The following VOPP1 variants were observed in gnomAD, a reference collection of about 807,000 sequenced individuals.
VOPP1 encodes the protein VOPP1 WW domain binding protein.
Under a neutral mutation model 23.5 loss-of-function variants are expected in VOPP1, and 8 were observed. The ratio of observed to expected loss-of-function variants is 0.34; its 90% CI spans 0.20 to 0.61. VOPP1 has a LOEUF of 0.61. Among genes scored for constraint, VOPP1 ranks in the 20% least tolerant of loss-of-function variants. The pLI, the probability that VOPP1 is intolerant of heterozygous loss-of-function variation, is 0.78. For synonymous variants in VOPP1, 83 were observed against 97.3 expected (o/e 0.85, Z 0.86); for missense variants, 174 against 238.1 (o/e 0.73, Z 1.77).
chr7:55,528,958 G>A (rs1391507347), intron 1 of VOPP1, among the ~76,000 whole-genome samples: 1 of 152,210 alleles, frequency 6.6e-6, no homozygotes, highest in Non-Finnish European at 1.5e-5. Context: ...GAGAAAGAAT[G>A]TAACAGCATA....
intron 1 of VOPP1, among the ~76,000 whole-genome samples, chr7:55,522,286 G>A (rs183122805): frequency 3.9e-5 from 6 of 152,324 alleles, no homozygotes; most frequent in East Asian, 1.9e-4. Flanking sequence ...AGTGACATTC[G>A]ATGGGTTATG....
chr7:55,569,442 T>A (rs1425411534), intron 1 of VOPP1, among the ~76,000 whole-genome samples: 1 of 152,224 alleles, frequency 6.6e-6, no homozygotes, highest in Non-Finnish European at 1.5e-5. Flanking sequence ...ATGTAGAGCA[T>A]GCAAATTCCT....
downstream of VOPP1, among the ~76,000 whole-genome samples, chr7:55,466,040 T>C (rs1312817250): frequency 6.6e-6 from 1 of 152,050 alleles, no homozygotes; most frequent in Non-Finnish European, 1.5e-5. Flanking sequence ...ATGAAAGGGA[T>C]TAGTGGCCCC....
At chr7:55,468,039 C>A (rs1457828989), downstream of VOPP1, among the ~76,000 whole-genome samples, 4 of 152,042 alleles carry the variant, frequency 2.6e-5, no homozygotes, top group Non-Finnish European at 1.5e-5. Flanking sequence ...TTTGGGAGGC[C>A]GAGGCGGGCG....
chr7:55,468,405 C>T (rs1791689984), downstream of VOPP1, among the ~76,000 whole-genome samples: 2 of 152,158 alleles, frequency 1.3e-5, no homozygotes, highest in South Asian at 4.1e-4. Flanking sequence ...GGTGGCAGTG[C>T]TGGCTGCCCC....
intron 4 of VOPP1, among the ~76,000 whole-genome samples, chr7:55,475,814 G>A (rs1476183110): frequency 1.3e-5 from 2 of 152,254 alleles, no homozygotes; most frequent in Admixed American, 6.5e-5. Context: ...TGCCCCTCAC[G>A]TCACCAGTGT....
At chr7:55,525,200 C>T (rs1003290465) in intron 1 of VOPP1, among the ~76,000 whole-genome samples, 1 of 152,216 alleles carries the variant, frequency 6.6e-6, no homozygotes, top group Non-Finnish European at 1.5e-5. Flanking sequence ...TGTAAGAGTA[C>T]AGACTCTCGG....
chr7:55,459,864 T>C (rs142798445), intron 4 of VOPP1, among the ~76,000 whole-genome samples: 69 of 152,242 alleles, frequency 4.5e-4, no homozygotes, highest in African/African-American at 1.6e-3. Flanking sequence ...GTCTCTATTT[T>C]GTTTTTGTTC....
intron 4 of VOPP1, among the ~76,000 whole-genome samples, chr7:55,476,432 G>T (rs1451068561): frequency 6.9e-6 from 1 of 145,344 alleles, no homozygotes; most frequent in South Asian, 2.3e-4. Context: ...GGCGTGTCGG[G>T]GGGGTGGGCG....
chr7:55,496,644 G>A (rs1189354230), intron 3 of VOPP1, among the ~76,000 whole-genome samples: 5 of 152,142 alleles, frequency 3.3e-5, no homozygotes, highest in East Asian at 3.9e-4. Flanking sequence ...GAACATCCTC[G>A]TCACCCAACA....
At chr7:55,447,945 T>C (rs1056682116) in intron 4 of VOPP1, among the ~76,000 whole-genome samples, 6 of 152,214 alleles carry the variant, frequency 3.9e-5, no homozygotes, top group African/African-American at 1.4e-4. Context: ...TTACAACTCA[T>C]TGTAATTATG....
At chr7:55,485,986 G>T (rs1451329240) in intron 4 of VOPP1, among the ~76,000 whole-genome samples, 1 of 152,232 alleles carries the variant, frequency 6.6e-6, no homozygotes, top group Non-Finnish European at 1.5e-5. Context: ...CGGGGGACCT[G>T]TCAGACCCAG....
chr7:55,437,160 G>A (rs903825717), intron 4 of VOPP1, among the ~76,000 whole-genome samples: 6 of 152,170 alleles, frequency 3.9e-5, no homozygotes, highest in African/African-American at 1.4e-4. Flanking sequence ...TCAGTTGCTG[G>A]AAACTAGGTG....
At chr7:55,538,209 G>C (rs546912903) in intron 1 of VOPP1, among the ~76,000 whole-genome samples, 1 of 152,292 alleles carries the variant, frequency 6.6e-6, no homozygotes, top group South Asian at 2.1e-4. Context: ...AGTCTATTTT[G>C]CTACAAACCA....
intron 4 of VOPP1, among the ~76,000 whole-genome samples, chr7:55,439,534 A>G (rs998911530): frequency 5.9e-5 from 9 of 152,158 alleles, no homozygotes; most frequent in African/African-American, 1.9e-4. Context: ...ATTTGATGGG[A>G]ATGATAAAAT....
Position 55,545,097 on chromosome 7 carries a change from GTTC to G in VOPP1, c.55-23970_55-23968del, listed in dbSNP as rs558720737. 2.0e-3 allele frequency among the ~76,000 whole-genome samples: 298 copies of G among 152,320 alleles called. 1 individual carries two copies. Among genetic ancestry groups the G allele is most frequent in the Non-Finnish European group, 3.6e-3 (246 of 68,036 alleles). On this transcript the variant is annotated intron_variant, in intron 1 of 4. Coordinates refer to ENST00000285279, the MANE Select transcript of VOPP1 (RefSeq NM_030796.5). ...ACCAGCTAAATAAGAGTTGAAAGTA[GTTC>G]TTCTGAGAAGCAGACCACAACGGTG...
At chr7:55,532,554 T>C (rs1401072152) in intron 1 of VOPP1, among the ~76,000 whole-genome samples, 1 of 152,184 alleles carries the variant, frequency 6.6e-6, no homozygotes, top group Non-Finnish European at 1.5e-5. Context: ...AGAGTGAGAA[T>C]ATGGAACCTG....
intron 1 of VOPP1, among the ~76,000 whole-genome samples, chr7:55,525,776 G>GA (rs1376037870): frequency 4.2e-5 from 1 of 23,638 alleles, no homozygotes; most frequent in African/African-American, 1.6e-4. Flanking sequence ...TCCCTAAAAG[G>GA]AAAAAACCTC....
chr7:55,487,135 GTAAT>G (rs935032948), intron 4 of VOPP1, among the ~76,000 whole-genome samples: 1 of 152,138 alleles, frequency 6.6e-6, no homozygotes, highest in African/African-American at 2.4e-5. Flanking sequence ...TGACTTGAGG[GTAAT>G]TAAACTGTCA....
Sources: gnomAD v4.1 joint callset for allele counts (sites outside exome capture counted in the v4.1 genomes callset) on GRCh38, gnomAD v4.1.1 for gene constraint, MANE v1.5 for transcripts, NCBI Gene and HGNC (gene_info 2026-07-23, HGNC 2026-07-21) for gene names.